GNAI3: variants seen among roughly 807,000 people sequenced by gnomAD.
The protein encoded by GNAI3 is guanine nucleotide-binding protein G(i) subunit alpha-3.
A neutral mutation model predicts 41.8 loss-of-function variants in GNAI3; 12 were observed. The observed-to-expected ratio is 0.29, with a 90% CI of 0.18 to 0.47. GNAI3 has a LOEUF of 0.47. Ranked by LOEUF, GNAI3 falls within the 20% of genes least tolerant of loss-of-function variation. The pLI, the probability that GNAI3 is intolerant of heterozygous loss-of-function variation, is 1.00. For missense variants in GNAI3, 360 were observed against 429.6 expected (o/e 0.84, Z 1.43); for synonymous variants, 132 against 146.5 (o/e 0.90, Z 0.71).
intron 1 of GNAI3, among the ~76,000 whole-genome samples, chr1:109,556,147 G>T (rs568149424): frequency 6.6e-6 from 1 of 151,852 alleles, no homozygotes; most frequent in South Asian, 2.1e-4. Flanking sequence ...TGCCTCCCAG[G>T]CTCAAACGAT....
chr1:109,555,568 C>T (rs1470386466), intron 1 of GNAI3, among the ~76,000 whole-genome samples: 1 of 152,096 alleles, frequency 6.6e-6, no homozygotes, highest in Non-Finnish European at 1.5e-5. Flanking sequence ...TACGCTATTC[C>T]TGTAGTACAC....
In GNAI3 at chr1:109,586,280, A is replaced by G; in HGVS notation, c.655A>G (p.Thr219Ala). 1 of 1,613,378 alleles carries G rather than the reference A, an allele frequency of 6.2e-7. No individual in the cohort carries two copies. The highest frequency in any genetic ancestry group is 8.5e-7 in the Non-Finnish European group (1 of 1,179,366). Residue 219 changes from threonine to alanine, a missense_variant, in exon 6 of 9, where the codon ACA becomes GCA. Transcript: ENST00000369851. ...GTGGATTCACTGTTTTGAGGGAGTG[A>G]CAGCAATTATCTTCTGTGTGGCCCT... is the stretch of plus-strand genomic sequence containing the variant. Reference protein sequence around the residue: ...KKWIHCFEGVTAIIFCVALSD... With the variant: ...KKWIHCFEGVAAIIFCVALSD...
At position 109,573,725 on chromosome 1, in the gene GNAI3, C is replaced by G. The variant is rs775788819; in HGVS notation, c.119-12C>G. ...ACCGAGAAATTCAAAGTCTGGTTTT[C>G]TTTTCTTACAGGTGCTGGAGAATCT... On this transcript the variant is annotated splice_polypyrimidine_tract_variant and intron_variant, in intron 1 of 8. Coordinates refer to ENST00000369851, the MANE Select transcript of GNAI3 (RefSeq NM_006496.4). The G allele has an allele frequency of 1.3e-6, 2 of 1,597,630 alleles. No homozygotes were observed. Among genetic ancestry groups the G allele is most frequent in the Non-Finnish European group, 8.6e-7 (1 of 1,165,680 alleles).
chr1:109,583,454 A>G (rs1187459736), intron 5 of GNAI3, among the ~76,000 whole-genome samples: 7 of 152,102 alleles, frequency 4.6e-5, no homozygotes, highest in African/African-American at 9.7e-5. Context: ...GGCTCAGGCT[A>G]TTCTCCCACC....
At chr1:109,556,318 T>G (rs1237589057) in intron 1 of GNAI3, among the ~76,000 whole-genome samples, 1 of 152,120 alleles carries the variant, frequency 6.6e-6, no homozygotes, top group Non-Finnish European at 1.5e-5. Flanking sequence ...GTTGAGATTA[T>G]AGACTGAGAT....
chr1:109,563,685 G>T (rs1417777852), intron 1 of GNAI3, among the ~76,000 whole-genome samples: 2 of 152,052 alleles, frequency 1.3e-5, no homozygotes, highest in Non-Finnish European at 1.5e-5. Context: ...TATGTAATTG[G>T]TGAAGGATAT....
At chr1:109,582,400 G>A in intron 4 of GNAI3, 37 bp from the exon 5 acceptor site, 1 of 1,574,236 alleles carries the variant, frequency 6.4e-7, no homozygotes, top group Non-Finnish European at 8.7e-7. Flanking sequence ...CACATGGTTG[G>A]CTTCACCAAG....
At chr1:109,556,358 C>T (rs1488086908) in intron 1 of GNAI3, among the ~76,000 whole-genome samples, 6 of 152,044 alleles carry the variant, frequency 3.9e-5, no homozygotes, top group East Asian at 1.9e-4. Context: ...TCTTAAAAGT[C>T]GCTCATCTGT....
At chr1:109,585,306 G>C (rs1328798605) in intron 5 of GNAI3, among the ~76,000 whole-genome samples, 1 of 152,208 alleles carries the variant, frequency 6.6e-6, no homozygotes, top group Non-Finnish European at 1.5e-5. Context: ...GTTGATAGAA[G>C]TTCAGCAGTT....
At chr1:109,569,645 T>C (rs1025707859) in intron 1 of GNAI3, among the ~76,000 whole-genome samples, 3 of 152,112 alleles carry the variant, frequency 2.0e-5, no homozygotes, top group Non-Finnish European at 4.4e-5. Flanking sequence ...GTTTCAATAA[T>C]TTGGAGAATT....
Position 109,597,219 on chromosome 1 carries a change from T to C in GNAI3, c.*4897T>C, listed in dbSNP as rs1038317899. On this transcript the variant is annotated 3_prime_UTR_variant, in exon 9 of 9. Transcript: ENST00000369851. ...GCTCATGTCTGTAATCCCAGCACTT[T>C]GGGAGGCCGAGGTAAGCAGATCACT... is the stretch of plus-strand genomic sequence containing the variant. 6.6e-6 allele frequency: 1 copy of C among 152,202 alleles called. No individual in the cohort carries two copies. The highest frequency in any genetic ancestry group is 1.9e-4 in the East Asian group (1 of 5,198). The allele number at this position is 152,202 out of a possible 1,614,324, so 9.4% of individuals were successfully genotyped here. A position where few individuals can be genotyped will look rare whatever the true frequency, so the allele number is the denominator to read the frequency against.
chr1:109,558,037 C>A (rs1648205510), intron 1 of GNAI3, among the ~76,000 whole-genome samples: 1 of 152,188 alleles, frequency 6.6e-6, no homozygotes, highest in Non-Finnish European at 1.5e-5. Context: ...CTAAACATAT[C>A]ACTGCTTTAC....
At chr1:109,581,324 A>G (rs1648884235) in intron 4 of GNAI3, among the ~76,000 whole-genome samples, 1 of 151,756 alleles carries the variant, frequency 6.6e-6, no homozygotes, top group Admixed American at 6.6e-5. Flanking sequence ...TGTTTACTGA[A>G]AGAAAACGGA....
chr1:109,578,108 A>C lies in GNAI3; in HGVS notation c.304-1096A>C, dbSNP rs558470718. ...ATGGATAGAATAAAGGAAAACAATA[A>C]AAATCTCATAATCCATTTCTGTCCT... On this transcript the variant is annotated intron_variant, in intron 3 of 8. Coordinates refer to ENST00000369851, the MANE Select transcript of GNAI3 (RefSeq NM_006496.4). 2.6e-5 allele frequency among the ~76,000 whole-genome samples: 4 copies of C among 152,310 alleles called. No individual in the cohort carries two copies. The South Asian group carries it at 6.2e-4, about 24-fold the overall frequency.
chr1:109,570,816 T>C (rs1648574458), intron 1 of GNAI3, among the ~76,000 whole-genome samples: 1 of 152,116 alleles, frequency 6.6e-6, no homozygotes, highest in South Asian at 2.1e-4. Context: ...GCCCATGGAT[T>C]TTGAGTATAA....
rs776095913 is a variant in GNAI3, at chr1:109,574,038, G to GT, written c.303+2dup. ...TGACTTTGGGGAAGCTGCCAGGGCA[G>GT]TAAGTGTTTCTCATTTCCTCTTCAC... is the stretch of plus-strand genomic sequence containing the variant. On this transcript the variant is annotated splice_donor_variant, in intron 3 of 8. Coordinates refer to ENST00000369851, the MANE Select transcript of GNAI3 (RefSeq NM_006496.4). LOFTEE classifies it high-confidence loss of function. 1 of 1,601,834 alleles carries GT rather than the reference G, an allele frequency of 6.2e-7. No individual in the cohort carries two copies. Among genetic ancestry groups the GT allele is most frequent in the Non-Finnish European group, 8.5e-7 (1 of 1,175,542 alleles).
At chr1:109,572,326 A>AATG (rs1648626189) in intron 1 of GNAI3, among the ~76,000 whole-genome samples, 1 of 152,136 alleles carries the variant, frequency 6.6e-6, no homozygotes, top group African/African-American at 2.4e-5. Flanking sequence ...TAATAATAAT[A>AATG]ATAATTCAGA....
chr1:109,571,419 C>T (rs1648593560), intron 1 of GNAI3, among the ~76,000 whole-genome samples: 1 of 152,190 alleles, frequency 6.6e-6, no homozygotes, highest in Non-Finnish European at 1.5e-5. Context: ...AGTTCTGCCA[C>T]TTACTAACTG....
At chr1:109,566,283 A>G (rs563995753) in intron 1 of GNAI3, among the ~76,000 whole-genome samples, 1 of 152,280 alleles carries the variant, frequency 6.6e-6, no homozygotes, top group East Asian at 1.9e-4. Flanking sequence ...AACTATTTTG[A>G]GATTGTAGGC....
Sources: allele counts gnomAD v4.1 joint callset (sites outside exome capture counted in the v4.1 genomes callset), GRCh38; gene constraint gnomAD v4.1.1; transcripts MANE v1.5; gene names NCBI Gene and HGNC (gene_info 2026-07-23, HGNC 2026-07-21).